The following NTNG1 variants were observed in gnomAD, a reference collection of about 807,000 sequenced individuals.
NTNG1 encodes netrin G1.
Under a neutral mutation model 54.0 loss-of-function variants are expected in NTNG1, and 16 were observed. That is an observed-to-expected ratio of 0.30 (90% CI 0.20 to 0.45). The LOEUF is 0.45. Among genes scored for constraint, NTNG1 ranks in the 20% least tolerant of loss-of-function variants. The pLI is 1.00. For missense variants in NTNG1, 530 were observed against 678.7 expected, an observed-to-expected ratio of 0.78 and a Z score of 2.43; for synonymous variants, 255 against 263.1, an observed-to-expected ratio of 0.97 and a Z score of 0.30.
At chr1:107,171,225 G>T (rs1656212499) in intron 2 of NTNG1, among the ~76,000 whole-genome samples, 1 of 151,778 alleles carries the variant, frequency 6.6e-6, no homozygotes, top group African/African-American at 2.4e-5. Flanking sequence ...TATATTTTTT[G>T]AGTTGAGTTT....
intron 3 of NTNG1, among the ~76,000 whole-genome samples, chr1:107,380,548 A>C (rs1671579919): frequency 6.6e-6 from 1 of 152,212 alleles, no homozygotes; most frequent in African/African-American, 2.4e-5. Context: ...CACTGTTAGG[A>C]AAATGTATTC....
At chr1:107,301,188 A>T (rs1320490641) in intron 2 of NTNG1, among the ~76,000 whole-genome samples, 2 of 152,138 alleles carry the variant, frequency 1.3e-5, no homozygotes, top group Non-Finnish European at 2.9e-5. Context: ...TAATGTTTAG[A>T]TTTATTTTGA....
intron 1 of NTNG1, chr1:107,143,521 G>T (rs1024467068): frequency 1.3e-5 from 2 of 151,830 alleles, no homozygotes; most frequent in Non-Finnish European, 2.9e-5. Flanking sequence ...AAGTCACTTG[G>T]AAAAAAGAAA....
Position 107,326,926 on chromosome 1 carries a change from T to A in NTNG1, c.887+2004T>A, listed in dbSNP as rs185445699. ...CTCCACTGATGTCAAGCATGCCATC[T>A]CCTAAAGGTGGTGTGTTGGAAATGT... On this transcript the variant is annotated intron_variant, in intron 3 of 7. Coordinates refer to ENST00000370068, the MANE Select transcript of NTNG1 (RefSeq NM_001113226.3). Among the ~76,000 whole-genome samples, 8 of 152,310 alleles carry A rather than the reference T, an allele frequency of 5.3e-5. No homozygotes were observed. In the East Asian group the frequency reaches 1.5e-3, roughly 29 times the overall value.
At chr1:107,384,434 G>T (rs891441972) in intron 3 of NTNG1, among the ~76,000 whole-genome samples, 3 of 151,352 alleles carry the variant, frequency 2.0e-5, no homozygotes, top group African/African-American at 7.3e-5. Context: ...CAAGCCAATT[G>T]CTCTCTCTCT....
At chr1:107,452,969 G>A (rs2101494774) in intron 7 of NTNG1, among the ~76,000 whole-genome samples, 1 of 152,210 alleles carries the variant, frequency 6.6e-6, no homozygotes, top group East Asian at 1.9e-4. Flanking sequence ...TTGGCCCTAA[G>A]GAGGTAACTA....
intron 3 of NTNG1, among the ~76,000 whole-genome samples, chr1:107,364,903 T>C (rs1183100388): frequency 6.6e-6 from 1 of 152,170 alleles, no homozygotes; most frequent in Admixed American, 6.5e-5. Flanking sequence ...CAGTCCTCAT[T>C]CATTATGTAA....
chr1:107,189,003 T>C lies in NTNG1; in HGVS notation c.246+40164T>C, dbSNP rs1382327944. On this transcript the variant is annotated intron_variant, in intron 2 of 7. Coordinates refer to ENST00000370068, the MANE Select transcript of NTNG1 (RefSeq NM_001113226.3). ...CTCATTTGAGGGGCTTCCTATTCAA[T>C]ATTTGAAAGAATAGGTGTTGGTGTA... Among the ~76,000 whole-genome samples, 3 of 152,106 alleles carry C rather than the reference T, an allele frequency of 2.0e-5. No homozygotes were observed. In the East Asian group the frequency reaches 5.8e-4, roughly 29 times the overall value.
At chr1:107,418,486 T>C (rs1313794801) in intron 5 of NTNG1, 11 of 737,332 alleles carry the variant, frequency 1.5e-5, no homozygotes, top group Non-Finnish European at 2.4e-5. Flanking sequence ...AGAGCAGATG[T>C]GTGGTTTGTG....
intron 3 of NTNG1, among the ~76,000 whole-genome samples, chr1:107,374,132 CTG>C (rs1671088098): frequency 6.6e-6 from 1 of 152,100 alleles, no homozygotes; most frequent in Admixed American, 6.6e-5. Flanking sequence ...AAAAAGAAAT[CTG>C]TGTGTAACAT....
At chr1:107,418,627 G>A (rs369929082) in intron 5 of NTNG1, 229 of 1,601,172 alleles carry the variant, frequency 1.4e-4, no homozygotes, top group Non-Finnish European at 1.9e-4. Flanking sequence ...TTCCCTTGAG[G>A]TTTCTAACCC....
rs1016261527 is a variant in NTNG1 at position 107,481,232 on chromosome 1, A to C, written c.*392A>C. On this transcript the variant is annotated 3_prime_UTR_variant, in exon 8 of 8. Coordinates refer to ENST00000370068, the MANE Select transcript of NTNG1 (RefSeq NM_001113226.3). ...ACGACTCCGCCCAGTGTGTGGACCA[A>C]CCAAATAGCATTCTTTGCTGTCAGG... 7 of 208,402 alleles carry C rather than the reference A, an allele frequency of 3.4e-5. No homozygotes were observed. The highest frequency in any genetic ancestry group is 6.7e-5 in the Non-Finnish European group (7 of 104,578). 12.9% of individuals were successfully genotyped at this position (208,402 alleles called of 1,614,324 possible). A position where few individuals can be genotyped will look rare whatever the true frequency, so the allele number is the denominator to read the frequency against.
At chr1:107,180,710 T>C (rs867266775) in intron 2 of NTNG1, among the ~76,000 whole-genome samples, 1 of 152,186 alleles carries the variant, frequency 6.6e-6, no homozygotes, top group African/African-American at 2.4e-5. Flanking sequence ...AGGCTTATAA[T>C]TTTTGGCAGG....
chr1:107,271,097 T>C (rs907484921), intron 2 of NTNG1, among the ~76,000 whole-genome samples: 1 of 152,176 alleles, frequency 6.6e-6, no homozygotes, highest in South Asian at 2.1e-4. Context: ...TTAAGATAAT[T>C]TAAATAGTTA....
intron 2 of NTNG1, among the ~76,000 whole-genome samples, chr1:107,205,248 A>G (rs1659087689): frequency 6.6e-6 from 1 of 152,118 alleles, no homozygotes; most frequent in Non-Finnish European, 1.5e-5. Flanking sequence ...AGCTTCAGAG[A>G]CTTCTGCTCC....
intron 7 of NTNG1, among the ~76,000 whole-genome samples, chr1:107,439,274 T>TTG (rs1172478492): frequency 6.4e-5 from 4 of 62,520 alleles, no homozygotes; most frequent in Non-Finnish European, 1.1e-4. Context: ...GTTCCAGAAC[T>TTG]TGCGTGTGTG....
intron 2 of NTNG1, among the ~76,000 whole-genome samples, chr1:107,308,400 C>T (rs1666811291): frequency 6.6e-6 from 1 of 152,044 alleles, no homozygotes; most frequent in Non-Finnish European, 1.5e-5. Flanking sequence ...ACAGTTTATT[C>T]AATAGGGAGT....
At chr1:107,154,637 G>C (rs12077350) in intron 2 of NTNG1, among the ~76,000 whole-genome samples, 1 of 146,130 alleles carries the variant, frequency 6.8e-6, no homozygotes, top group Non-Finnish European at 1.5e-5. Context: ...GGGTGGAGCA[G>C]ATGGTGGCAC....
chr1:107,454,546 C>CA (rs200990989), intron 7 of NTNG1, among the ~76,000 whole-genome samples: 3,297 of 142,490 alleles, frequency 0.023, 69 homozygotes, highest in East Asian at 0.12. Context: ...GTCTTTTTAC[C>CA]AAAAAAAAAA....
Sources: gnomAD v4.1 joint callset for allele counts (sites outside exome capture counted in the v4.1 genomes callset) on GRCh38, gnomAD v4.1.1 for gene constraint, MANE v1.5 for transcripts, NCBI Gene and HGNC (gene_info 2026-07-23, HGNC 2026-07-21) for gene names.